PTPRD: variants seen among roughly 807,000 people sequenced by gnomAD.
PTPRD encodes receptor-type tyrosine-protein phosphatase delta.
PTPRD carries 34 observed loss-of-function variants against 214.5 expected under a neutral mutation model. The ratio of observed to expected loss-of-function variants is 0.16; its 90% confidence interval spans 0.12 to 0.21. The LOEUF is 0.21. Ranked by LOEUF, PTPRD falls within the 10% of genes least tolerant of loss-of-function variation. The pLI, the probability that PTPRD is intolerant of heterozygous loss-of-function variation, is 1.00. For synonymous variants in PTPRD, 1,128 were observed against 845.7 expected (o/e 1.33, Z -5.79); for missense variants, 2,545 against 2,398.7 (o/e 1.06, Z -1.27).
chr9:10,284,077 A>T (rs112309774), intron 3 of PTPRD, among the ~76,000 whole-genome samples: 2 of 152,146 alleles, frequency 1.3e-5, no homozygotes. Flanking sequence ...TATCTCTGAC[A>T]TTCTGTGATT....
intron 8 of PTPRD, among the ~76,000 whole-genome samples, chr9:9,484,848 T>C (rs998371984): frequency 2.6e-5 from 4 of 152,192 alleles, no homozygotes; most frequent in Non-Finnish European, 1.5e-5. Context: ...ACCCGGTTTT[T>C]ATTTTGTAGA....
intron 2 of PTPRD, among the ~76,000 whole-genome samples, chr9:10,501,653 G>C (rs1651040267): frequency 6.6e-6 from 1 of 151,974 alleles, no homozygotes; most frequent in African/African-American, 2.4e-5. Flanking sequence ...CAAAGGGACA[G>C]TATTCTTAAG....
chr9:10,457,224 A>G lies in PTPRD; in HGVS notation c.-599-116207T>C, dbSNP rs1044696175. On this transcript the variant is annotated intron_variant, in intron 2 of 45. Transcript: ENST00000381196. ...AAAATTCATTCATTTTAAGGGTTCA[A>G]TTAAACAATTTATTTTTATATGTGT... Among the ~76,000 whole-genome samples, 2 of 152,120 alleles carry G rather than the reference A, an allele frequency of 1.3e-5. 1 individual carries two copies. The highest frequency in any genetic ancestry group is 4.1e-4 in the South Asian group (2 of 4,822).
At chr9:8,521,796 CA>C (rs1317896270) in intron 19 of PTPRD, among the ~76,000 whole-genome samples, 1 of 152,144 alleles carries the variant, frequency 6.6e-6, no homozygotes, top group African/African-American at 2.4e-5. Flanking sequence ...TTCAGACCTA[CA>C]AGGGCCCCAC....
chr9:9,576,982 G>C (rs912848351), intron 7 of PTPRD, among the ~76,000 whole-genome samples: 2 of 151,986 alleles, frequency 1.3e-5, no homozygotes, highest in Non-Finnish European at 2.9e-5. Flanking sequence ...TGAATATTTT[G>C]ATATTAACAA....
intron 9 of PTPRD, among the ~76,000 whole-genome samples, chr9:9,214,479 G>A (rs940367286): frequency 7.1e-6 from 1 of 140,676 alleles, no homozygotes; most frequent in African/African-American, 2.5e-5. Flanking sequence ...GTTAAGGGAG[G>A]AGGATTTTTT....
At chr9:8,637,807 A>T (rs2096479144) in intron 12 of PTPRD, among the ~76,000 whole-genome samples, 1 of 152,232 alleles carries the variant, frequency 6.6e-6, no homozygotes, top group Non-Finnish European at 1.5e-5. Context: ...AAGATGGAAC[A>T]TCATACAAGT....
chr9:8,617,603 T>C (rs185299213), intron 14 of PTPRD, among the ~76,000 whole-genome samples: 25 of 152,258 alleles, frequency 1.6e-4, no homozygotes, highest in Non-Finnish European at 1.5e-5. Context: ...GCAATACTGA[T>C]TTCATTCCTA....
chr9:9,222,300 T>G (rs2133405762), intron 9 of PTPRD, among the ~76,000 whole-genome samples: 1 of 152,206 alleles, frequency 6.6e-6, no homozygotes, highest in Non-Finnish European at 1.5e-5. Context: ...AATTGTACCA[T>G]TAGCTTAAAA....
intron 21 of PTPRD, among the ~76,000 whole-genome samples, chr9:8,511,908 C>A (rs2097690431): frequency 6.6e-6 from 1 of 151,980 alleles, no homozygotes; most frequent in Admixed American, 6.6e-5. Flanking sequence ...GTGAAAGCAA[C>A]TCCAAGACAA....
At chr9:8,490,934 T>A (rs1366638041) in intron 27 of PTPRD, among the ~76,000 whole-genome samples, 1 of 152,186 alleles carries the variant, frequency 6.6e-6, no homozygotes, top group Admixed American at 6.5e-5. Flanking sequence ...TATTAGGAGC[T>A]CACATCTGTG....
chr9:8,732,992 T>TC (rs1405090775), intron 12 of PTPRD, among the ~76,000 whole-genome samples: 2 of 152,144 alleles, frequency 1.3e-5, no homozygotes, highest in Non-Finnish European at 2.9e-5. Flanking sequence ...ACCACACATG[T>TC]CAGGGAGTAC....
At chr9:9,864,477 A>G (rs781474165) in intron 5 of PTPRD, among the ~76,000 whole-genome samples, 1 of 152,034 alleles carries the variant, frequency 6.6e-6, no homozygotes, top group Non-Finnish European at 1.5e-5. Flanking sequence ...GAAAACACTA[A>G]TATACAGTTT....
intron 11 of PTPRD, among the ~76,000 whole-genome samples, chr9:9,016,690 C>T (rs969183030): frequency 6.6e-6 from 1 of 152,120 alleles, no homozygotes; most frequent in Non-Finnish European, 1.5e-5. Flanking sequence ...AATGTTGAAT[C>T]ACAAGTACAA....
At chr9:9,211,413 G>A (rs746903773) in intron 9 of PTPRD, among the ~76,000 whole-genome samples, 3 of 152,010 alleles carry the variant, frequency 2.0e-5, no homozygotes, top group Non-Finnish European at 2.9e-5. Flanking sequence ...TTAGAAGAGT[G>A]TTGGGCATAT....
chr9:10,307,704 A>G (rs1435513523), intron 3 of PTPRD, among the ~76,000 whole-genome samples: 14 of 151,934 alleles, frequency 9.2e-5, no homozygotes, highest in Admixed American at 5.2e-4. Flanking sequence ...TACTGGATGT[A>G]AAAGATACAT....
At chr9:8,547,305 T>C (rs773105706) in intron 14 of PTPRD, among the ~76,000 whole-genome samples, 12 of 152,106 alleles carry the variant, frequency 7.9e-5, no homozygotes, top group Non-Finnish European at 1.5e-4. Flanking sequence ...AAAAACTTAA[T>C]TTAGTAAACA....
At chr9:8,969,175 C>G (rs149030846) in intron 11 of PTPRD, among the ~76,000 whole-genome samples, 2 of 152,056 alleles carry the variant, frequency 1.3e-5, no homozygotes, top group Non-Finnish European at 2.9e-5. Flanking sequence ...AACTAAAACA[C>G]TGACATCACT....
At chr9:8,973,958 T>C (rs1412965402) in intron 11 of PTPRD, among the ~76,000 whole-genome samples, 1 of 152,122 alleles carries the variant, frequency 6.6e-6, no homozygotes, top group East Asian at 1.9e-4. Flanking sequence ...TTCTAGACAT[T>C]AGACCTTTGT....
Sources: allele counts gnomAD v4.1 joint callset (sites outside exome capture counted in the v4.1 genomes callset), GRCh38; gene constraint gnomAD v4.1.1; transcripts MANE v1.5; gene names NCBI Gene and HGNC (gene_info 2026-07-23, HGNC 2026-07-21).